The following WNT9A variants were observed in gnomAD, a reference collection of about 807,000 sequenced individuals.
WNT9A encodes protein Wnt-9a.
A neutral mutation model predicts 31.4 loss-of-function variants in WNT9A; 8 were observed. The observed-to-expected ratio is 0.26, with a 90% CI of 0.15 to 0.46. The LOEUF is 0.46. WNT9A is among the 20% of genes least tolerant of loss of function. WNT9A has a pLI of 0.99. For synonymous variants in WNT9A, 236 were observed against 220.1 expected (o/e 1.07, Z -0.64); for missense variants, 457 against 522.9 (o/e 0.87, Z 1.23).
chr1:227,923,491 G>A (rs1418547440), intron 3 of WNT9A, among the ~76,000 whole-genome samples: 1 of 152,198 alleles, frequency 6.6e-6, no homozygotes, highest in Admixed American at 6.5e-5. Flanking sequence ...CAGAGAGCCA[G>A]GGTCACCCCG....
Position 227,921,832 on chromosome 1 carries a change from C to T in WNT9A, c.784G>A (p.Gly262Ser), listed in dbSNP as rs369422293. 57 of 1,612,986 alleles carry T rather than the reference C, an allele frequency of 3.5e-5. No homozygotes were observed. The highest frequency in any genetic ancestry group is 4.5e-5 in the East Asian group (2 of 44,888). The change falls in exon 4 of 4, where the codon GGC (glycine) becomes AGC (serine). Residue 262 changes from glycine (G) to serine (S), a missense_variant. Coordinates refer to ENST00000272164, the MANE Select transcript of WNT9A (RefSeq NM_003395.4). ...KVGSTTNEAA[G>S]EAGAISPPRG... ...GGTGGGGAGATGGCACCTGCCTCGCCGGCAGCTTCATTGGTGGTGCTGCCC... is the reference window on the plus strand; with the variant it reads ...GGTGGGGAGATGGCACCTGCCTCGCTGGCAGCTTCATTGGTGGTGCTGCCC...
intron 1 of WNT9A, among the ~76,000 whole-genome samples, chr1:227,938,654 C>T (rs562902782): frequency 1.3e-5 from 2 of 152,290 alleles, no homozygotes; most frequent in African/African-American, 4.8e-5. Context: ...AACACACATA[C>T]ATGCACATAC....
intron 3 of WNT9A, among the ~76,000 whole-genome samples, chr1:227,923,129 C>T (rs953432472): frequency 3.9e-5 from 6 of 152,084 alleles, no homozygotes; most frequent in East Asian, 1.9e-4. Flanking sequence ...CCCAAGAAGG[C>T]GGAAGGAGGC....
intron 1 of WNT9A, among the ~76,000 whole-genome samples, chr1:227,939,760 C>T (rs1217034958): frequency 1.3e-5 from 2 of 152,154 alleles, no homozygotes; most frequent in Non-Finnish European, 2.9e-5. Flanking sequence ...CACAACACCC[C>T]GCCAGCAAAA....
chr1:227,929,213 T>TGAGCCCAAGAACTGGAGAC lies in WNT9A; in HGVS notation c.96-3713_96-3695dup, dbSNP rs542376559. On this transcript the variant is annotated intron_variant, in intron 1 of 3. Transcript: ENST00000272164. The stretch of plus-strand genomic sequence containing the variant: ...CAGAGACCGTGACGGGAGGGTTGTT[T>TGAGCCCAAGAACTGGAGAC]GAGCCCAAGAACTGGAGACCAGCCC... 3.2e-3 allele frequency among the ~76,000 whole-genome samples: 491 copies of TGAGCCCAAGAACTGGAGAC among 152,276 alleles called. 11 individuals are homozygous for TGAGCCCAAGAACTGGAGAC. The highest frequency in any genetic ancestry group is 0.024 in the East Asian group (126 of 5,180).
chr1:227,921,961 C>T lies in WNT9A; in HGVS notation c.655G>A (p.Gly219Ser), dbSNP rs1666325879. ...AGVETTCKCH[G>S]VSGSCTVRTC... ...CGCACCGTGCATGAGCCTGACACGC[C>T]GTGGCACTTGCAGGTGGTCTCCACC... Residue 219 changes from glycine to serine, a missense_variant, in exon 4 of 4, where the codon GGC (glycine) becomes AGC (serine). By Grantham distance (56) the Gly-to-Ser change is moderately conservative. Transcript: ENST00000272164. 4.3e-6 allele frequency: 7 copies of T among 1,611,660 alleles called. No homozygotes were observed. Among genetic ancestry groups the T allele is most frequent in the African/African-American group, 1.3e-5 (1 of 75,020 alleles).
At chr1:227,933,592 T>A (rs1666544853) in intron 1 of WNT9A, among the ~76,000 whole-genome samples, 2 of 152,228 alleles carry the variant, frequency 1.3e-5, no homozygotes, top group Non-Finnish European at 2.9e-5. Flanking sequence ...CATTCTTCAC[T>A]TTAAAGTGAG....
chr1:227,921,275 G>A lies in WNT9A; in HGVS notation c.*243C>T. The A allele has an allele frequency of 1.7e-6, 1 of 583,100 alleles. No individual in the cohort carries two copies. The allele number at this position is 583,100 out of a possible 1,614,324, so 36.1% of individuals were successfully genotyped here. Reference sequence around the variant, plus strand: ...CCTTGGCAGGTGTAGGCCCATTCATGCTCTGTGCAATGCCTGCACCCCATG... The same window carrying A: ...CCTTGGCAGGTGTAGGCCCATTCATACTCTGTGCAATGCCTGCACCCCATG... On this transcript the variant is annotated 3_prime_UTR_variant, in exon 4 of 4. Coordinates refer to ENST00000272164, the MANE Select transcript of WNT9A (RefSeq NM_003395.4).
chr1:227,923,419 C>T (rs1666359359), intron 3 of WNT9A, among the ~76,000 whole-genome samples: 1 of 152,192 alleles, frequency 6.6e-6, no homozygotes, highest in South Asian at 2.1e-4. Flanking sequence ...CAGGTCCAGC[C>T]CGGACTCCCC....
In WNT9A at chr1:227,921,893, C is replaced by T. The variant is rs746514568; in HGVS notation, c.723G>A (p.Lys241=). 1 of 1,613,228 alleles carries T rather than the reference C, an allele frequency of 6.2e-7. No homozygotes were observed. The highest frequency in any genetic ancestry group is 8.5e-7 in the Non-Finnish European group (1 of 1,179,948). ...RQLAPFHEVG[K]HLKHKYETAL... ...CCGTCTCATACTTGTGCTTCAGATGCTTGCCCACCTCATGGAAAGGCGCCA... is the reference window on the plus strand; with the variant it reads ...CCGTCTCATACTTGTGCTTCAGATGTTTGCCCACCTCATGGAAAGGCGCCA... Residue 241 remains lysine (K), a synonymous_variant, in exon 4 of 4, where the codon AAG becomes AAA. Transcript: ENST00000272164.
intron 3 of WNT9A, among the ~76,000 whole-genome samples, 169 bp from the exon 4 acceptor site, chr1:227,922,169 G>C (rs557538672): frequency 6.6e-6 from 1 of 152,156 alleles, no homozygotes; most frequent in East Asian, 1.9e-4. Context: ...CTCCCGGCTC[G>C]TAGCATTGTC....
intron 1 of WNT9A, among the ~76,000 whole-genome samples, chr1:227,934,556 T>G (rs1392415443): frequency 1.3e-5 from 2 of 152,208 alleles, no homozygotes; most frequent in African/African-American, 4.8e-5. Context: ...CTCTACGGCA[T>G]GTCTACTCTT....
At position 227,931,671 on chromosome 1, in the gene WNT9A, TAC is replaced by T. The variant is rs766971298; in HGVS notation, c.96-6154_96-6153del. Among the ~76,000 whole-genome samples, 23 of 152,228 alleles carry T rather than the reference TAC, an allele frequency of 1.5e-4. 1 individual carries two copies. The highest frequency in any genetic ancestry group is 9.6e-4 in the East Asian group (5 of 5,202). ...GTGCTTCTACAAGGTATGCTTACAC[TAC>T]AGTCTTTAAGTGAGCAATATAGCAT... On this transcript the variant is annotated intron_variant, in intron 1 of 3. Coordinates refer to ENST00000272164, the MANE Select transcript of WNT9A (RefSeq NM_003395.4).
At chr1:227,947,663 G>A (rs1666816647) in intron 1 of WNT9A, 130 bp downstream of exon 1, 1 of 373,050 alleles carries the variant, frequency 2.7e-6, no homozygotes, top group Non-Finnish European at 3.8e-6. Context: ...AACAAACAGC[G>A]CCAGGCAACC....
chr1:227,922,591 A>G (rs1441237470), intron 3 of WNT9A, among the ~76,000 whole-genome samples: 1 of 152,152 alleles, frequency 6.6e-6, no homozygotes, highest in Non-Finnish European at 1.5e-5. Flanking sequence ...GCTGCAGGGG[A>G]GAGGGGCTCC....
Position 227,942,846 on chromosome 1 carries a change from G to T in WNT9A, c.95+4947C>A, listed in dbSNP as rs1347812076. Among the ~76,000 whole-genome samples, 1 of 152,100 alleles carries T rather than the reference G, an allele frequency of 6.6e-6. No individual in the cohort carries two copies. Among genetic ancestry groups the T allele is most frequent in the African/African-American group, 2.4e-5 (1 of 41,420 alleles). On this transcript the variant is annotated intron_variant, in intron 1 of 3. Coordinates refer to ENST00000272164, the MANE Select transcript of WNT9A (RefSeq NM_003395.4). This position sits in a 1 kb window ranked among gnomAD's most constrained non-coding sequence, Gnocchi z 5.7. The stretch of plus-strand genomic sequence containing the variant: ...CCGGCCCACAGTGCTCAGAGCACCC[G>T]ACCCAGGCCCCAGCCATGGGGTCAC...
rs184930791 is a variant in WNT9A at position 227,942,037 on chromosome 1, C to T, written c.95+5756G>A. On this transcript the variant is annotated intron_variant, in intron 1 of 3. Transcript: ENST00000272164. This position sits in a 1 kb window ranked among gnomAD's most constrained non-coding sequence, Gnocchi z 5.7. ...TTTCCTAGGGGAAGAGTCACCCACACGCTTCTTTGATGGCCAAACCCCAGA... is the reference window on the plus strand; with the variant it reads ...TTTCCTAGGGGAAGAGTCACCCACATGCTTCTTTGATGGCCAAACCCCAGA... 6.2e-4 allele frequency among the ~76,000 whole-genome samples: 94 copies of T among 152,202 alleles called. No homozygotes were observed. The highest frequency in any genetic ancestry group is 2.1e-3 in the African/African-American group (87 of 41,540).
intron 1 of WNT9A, among the ~76,000 whole-genome samples, chr1:227,947,405 G>C (rs908463314): frequency 1.3e-5 from 2 of 152,224 alleles, no homozygotes; most frequent in African/African-American, 4.8e-5. Context: ...AGAAAGGGGG[G>C]GAAGCTGCTA....
rs887157852 is a variant in WNT9A at position 227,926,829 on chromosome 1, G to A, written c.96-1310C>T. Among the ~76,000 whole-genome samples the A allele has an allele frequency of 2.6e-5, 4 of 152,010 alleles. No individual in the cohort carries two copies. The highest frequency in any genetic ancestry group is 2.1e-4 in the South Asian group (1 of 4,836). On this transcript the variant is annotated intron_variant, in intron 1 of 3. Coordinates refer to ENST00000272164, the MANE Select transcript of WNT9A (RefSeq NM_003395.4). The surrounding 1 kb of genome is among the most constrained non-coding windows in gnomAD (Gnocchi z 5.0). ...CCTGCTAGACCCTGCCACCCACCCC[G>A]AGGGAGTAGCTCCTGCCCAACGGTA...
Sources: allele counts gnomAD v4.1 joint callset (sites outside exome capture counted in the v4.1 genomes callset), GRCh38; gene constraint gnomAD v4.1.1; non-coding constraint Gnocchi (gnomAD v3.1); transcripts MANE v1.5; gene names NCBI Gene and HGNC (gene_info 2026-07-23, HGNC 2026-07-21).